The following WDFY4 variants were observed in gnomAD, a reference collection of about 807,000 sequenced individuals.
WDFY4 encodes WDFY family member 4, also known as WD repeat- and FYVE domain-containing protein 4.
Under a neutral mutation model 351.9 loss-of-function variants are expected in WDFY4, and 169 were observed. The ratio of observed to expected loss-of-function variants is 0.48; its 90% CI spans 0.42 to 0.55. The LOEUF (loss-of-function observed/expected upper bound fraction) is 0.55. Among genes scored for constraint, WDFY4 ranks in the 20% least tolerant of loss-of-function variants. WDFY4 has a pLI of 0.00. For synonymous variants in WDFY4, 1,622 were observed against 1,574.6 expected (o/e 1.03, Z -0.71); for missense variants, 3,803 against 3,935.6 (o/e 0.97, Z 0.90).
intron 57 of WDFY4, among the ~76,000 whole-genome samples, chr10:48,974,047 AG>A (rs1842446204): frequency 6.6e-6 from 1 of 152,070 alleles, no homozygotes; most frequent in South Asian, 2.1e-4. Flanking sequence ...GAATCCCCTG[AG>A]GGCTTGTGAA....
rs892814254 is a variant in WDFY4 at position 48,777,470 on chromosome 10, C to T, written c.3150C>T (p.Tyr1050=). The change falls in exon 17 of 62, where the codon TAC becomes TAT. Residue 1050 remains tyrosine (Y), a synonymous_variant. Coordinates refer to ENST00000325239, the MANE Select transcript of WDFY4 (RefSeq NM_001394531.1). ...LSTVMGTSTE[Y]SVSGGIGTGA... Reference sequence around the variant, plus strand: ...CAGTTATGGGAACCAGCACTGAGTACTCTGTCTCTGGAGGAATTGGGACAG... The same window carrying T: ...CAGTTATGGGAACCAGCACTGAGTATTCTGTCTCTGGAGGAATTGGGACAG... 2.9e-5 allele frequency: 45 copies of T among 1,551,644 alleles called. No individual in the cohort carries two copies. In the Admixed American group the frequency reaches 8.8e-4, roughly 30 times the overall value.
At chr10:48,894,832 G>C (rs1279812957) in intron 44 of WDFY4, among the ~76,000 whole-genome samples, 1 of 152,222 alleles carries the variant, frequency 6.6e-6, no homozygotes, top group Non-Finnish European at 1.5e-5. Flanking sequence ...CTAGACCTAA[G>C]CCAAAGGTAG....
At chr10:48,948,136 G>A (rs1210144051) in intron 51 of WDFY4, among the ~76,000 whole-genome samples, 2 of 152,186 alleles carry the variant, frequency 1.3e-5, no homozygotes, top group Non-Finnish European at 2.9e-5. Context: ...CTCCAAATAA[G>A]GAGCAAACGT....
rs774345570 is a variant in WDFY4 at position 48,873,711 on chromosome 10, G to T, written c.6948+14G>T. On this transcript the variant is annotated intron_variant, in intron 41 of 61. Transcript: ENST00000325239. ...GGAAGGCACAAGGTAGGAGTCAGGCGCAGTGGGACAGTGCTGGTTCCAGGT... is the reference window on the plus strand; with the variant it reads ...GGAAGGCACAAGGTAGGAGTCAGGCTCAGTGGGACAGTGCTGGTTCCAGGT... 1 of 1,551,250 alleles carries T rather than the reference G, an allele frequency of 6.4e-7. No homozygotes were observed. Among genetic ancestry groups the T allele is most frequent in the Middle Eastern group, 1.7e-4 (1 of 5,848 alleles).
chr10:48,877,230 ATTT>A (rs1425564817), intron 43 of WDFY4, 31 bp downstream of exon 43: 1 of 1,534,430 alleles, frequency 6.5e-7, no homozygotes, highest in East Asian at 2.5e-5. Flanking sequence ...AGCCTTTAAG[ATTT>A]TTAAGTTAGT....
chr10:48,901,446 G>T (rs892980430), intron 46 of WDFY4, among the ~76,000 whole-genome samples: 4 of 152,244 alleles, frequency 2.6e-5, no homozygotes, highest in African/African-American at 9.6e-5. Context: ...CAAGGAGCCT[G>T]GCATTAAGAT....
chr10:48,790,949 T>C, intron 23 of WDFY4, 32 bp downstream of exon 23: 1 of 1,549,264 alleles, frequency 6.5e-7, no homozygotes, highest in Non-Finnish European at 8.7e-7. Context: ...GAACTGAGAC[T>C]CCTGAAAGGG....
At chr10:48,846,112 T>G (rs1194877436) in intron 39 of WDFY4, among the ~76,000 whole-genome samples, 3 of 152,208 alleles carry the variant, frequency 2.0e-5, no homozygotes, top group African/African-American at 7.2e-5. Context: ...CATCATTAGT[T>G]TCCAAGCTGT....
chr10:48,939,631 A>G (rs1840645260), intron 47 of WDFY4, among the ~76,000 whole-genome samples: 1 of 152,236 alleles, frequency 6.6e-6, no homozygotes, highest in Non-Finnish European at 1.5e-5. Context: ...TTAAAGAAAT[A>G]CTTTCAACTA....
intron 12 of WDFY4, among the ~76,000 whole-genome samples, chr10:48,749,000 C>T (rs1186191586): frequency 1.3e-5 from 2 of 152,184 alleles, no homozygotes; most frequent in Non-Finnish European, 2.9e-5. Context: ...TACTTTATTT[C>T]TCTAATCTTC....
intron 14 of WDFY4, among the ~76,000 whole-genome samples, chr10:48,775,283 G>T (rs554543104): frequency 1.1e-4 from 16 of 152,280 alleles, no homozygotes; most frequent in Non-Finnish European, 2.2e-4. Context: ...AGTGCTGAGG[G>T]CCATGCACAG....
intron 31 of WDFY4, among the ~76,000 whole-genome samples, chr10:48,816,292 G>T (rs2067619029): frequency 6.6e-6 from 1 of 151,996 alleles, no homozygotes. Flanking sequence ...CCAGCTCTTG[G>T]GTACATTTAT....
At chr10:48,810,000 G>T (rs557047294) in intron 28 of WDFY4, among the ~76,000 whole-genome samples, 1 of 152,282 alleles carries the variant, frequency 6.6e-6, no homozygotes, top group East Asian at 1.9e-4. Context: ...CCATCAGCAA[G>T]TCTGTATTCT....
intron 47 of WDFY4, among the ~76,000 whole-genome samples, chr10:48,919,270 C>G (rs1219661238): frequency 6.6e-6 from 1 of 151,684 alleles, no homozygotes; most frequent in Non-Finnish European, 1.5e-5. Context: ...AATAAGAGAA[C>G]AGTACAAACA....
chr10:48,972,552 G>T (rs1033607870), intron 57 of WDFY4, among the ~76,000 whole-genome samples: 1 of 151,924 alleles, frequency 6.6e-6, no homozygotes, highest in African/African-American at 2.4e-5. Flanking sequence ...ATTGCATTTC[G>T]ATTGTTTTGT....
intron 2 of WDFY4, among the ~76,000 whole-genome samples, chr10:48,716,239 C>T (rs546810359): frequency 6.6e-6 from 1 of 152,090 alleles, no homozygotes; most frequent in African/African-American, 2.4e-5. Flanking sequence ...GTAATAATGA[C>T]ATTTTGTTCG....
intron 12 of WDFY4, among the ~76,000 whole-genome samples, chr10:48,747,029 A>C (rs1318586044): frequency 6.6e-6 from 1 of 152,152 alleles, no homozygotes; most frequent in African/African-American, 2.4e-5. Context: ...ACTCTAGTAC[A>C]TCTGTTAAAC....
Position 48,969,229 on chromosome 10 carries a change from G to T in WDFY4, c.8750G>T (p.Gly2917Val). 6.4e-7 allele frequency: 1 copy of T among 1,551,458 alleles called. No individual in the cohort carries two copies. The highest frequency in any genetic ancestry group is 8.7e-7 in the Non-Finnish European group (1 of 1,146,924). Reference sequence around the variant, plus strand: ...TTTGATGACTTCAGCTGCTGCTTGGGGAGCTACGGCTCCGACAAGGTGAGG... The same window carrying T: ...TTTGATGACTTCAGCTGCTGCTTGGTGAGCTACGGCTCCGACAAGGTGAGG... ...WGFDDFSCCLGSYGSDKVLMT... is the reference protein window; with the variant it reads ...WGFDDFSCCLVSYGSDKVLMT... The change falls in exon 56 of 62, where the codon GGG (glycine) becomes GTG (valine). Residue 2917 changes from glycine (G) to valine (V), a missense_variant. By Grantham distance (109) the Gly-to-Val change is moderately radical. Transcript: ENST00000325239.
chr10:48,697,306 A>T (rs2063356310), intron 1 of WDFY4, among the ~76,000 whole-genome samples: 1 of 152,156 alleles, frequency 6.6e-6, no homozygotes, highest in Non-Finnish European at 1.5e-5. Flanking sequence ...TCTATGAGCC[A>T]CCCACATCTC....
Sources: gnomAD v4.1 joint callset for allele counts (sites outside exome capture counted in the v4.1 genomes callset) on GRCh38, gnomAD v4.1.1 for gene constraint, MANE v1.5 for transcripts, NCBI Gene and HGNC (gene_info 2026-07-23, HGNC 2026-07-21) for gene names.